Variants in SUCO observed in about 807,000 individuals in gnomAD.
SUCO encodes SUN domain containing ossification factor, also known as SUN domain-containing ossification factor.
In SUCO, 57 loss-of-function variants were observed where a neutral mutation model predicts 148.1. That is an observed-to-expected ratio of 0.38 (90% CI 0.31 to 0.48). SUCO has a LOEUF of 0.48. Among genes scored for constraint, SUCO ranks in the 20% least tolerant of loss-of-function variants. The probability of loss-of-function intolerance (pLI) is 0.96; values close to 1 mark genes in which losing one functional copy is unlikely to be tolerated. For synonymous variants in SUCO, 470 were observed against 502.7 expected (o/e 0.93, Z 0.87); for missense variants, 1,331 against 1,468.2 (o/e 0.91, Z 1.53).
intron 6 of SUCO, among the ~76,000 whole-genome samples, chr1:172,565,708 C>T (rs1654501056): frequency 1.3e-5 from 2 of 152,166 alleles, no homozygotes; most frequent in Non-Finnish European, 2.9e-5. Context: ...TAAATAATTG[C>T]CACACACAGT....
chr1:172,597,562 A>G (rs1399216369), intron 19 of SUCO, among the ~76,000 whole-genome samples: 1 of 152,198 alleles, frequency 6.6e-6, no homozygotes, highest in Admixed American at 6.5e-5. Context: ...ATTGACTGCA[A>G]GTAAGAACGG....
chr1:172,550,591 TA>T, intron 1 of SUCO, among the ~76,000 whole-genome samples: 1 of 152,144 alleles, frequency 6.6e-6, no homozygotes, highest in African/African-American at 2.4e-5. Context: ...TTTCCATTTT[TA>T]TGCCTCTTTT....
At chr1:172,545,832 AT>A (rs1652807853) in intron 1 of SUCO, among the ~76,000 whole-genome samples, 1 of 152,208 alleles carries the variant, frequency 6.6e-6, no homozygotes, top group South Asian at 2.1e-4. Flanking sequence ...TAATAAGTCA[AT>A]TTTACAATGT....
intron 6 of SUCO, among the ~76,000 whole-genome samples, chr1:172,567,892 C>A (rs1654673449): frequency 6.6e-6 from 1 of 152,194 alleles, no homozygotes; most frequent in Non-Finnish European, 1.5e-5. Flanking sequence ...CATGCCCCAA[C>A]CCCCAGGCCA....
Position 172,589,311 on chromosome 1 carries a change from T to G in SUCO, c.2210T>G (p.Ile737Ser), listed in dbSNP as rs780161408. The change falls in exon 18 of 24, where the codon ATT becomes AGT. Residue 737 changes from isoleucine to serine, a missense_variant. By Grantham distance (142) the Ile-to-Ser change is moderately radical. Around this residue, in one of 3 missense-constraint regions of SUCO, gnomAD observed 992 missense variants for 1,093.5 expected, o/e 0.91. Transcript: ENST00000263688. ...CTTTCTCAGTCTCTTCTTTTAGATATTACCCCAGAAATCAATCCCTTGCCT... is the reference window on the plus strand; with the variant it reads ...CTTTCTCAGTCTCTTCTTTTAGATAGTACCCCAGAAATCAATCCCTTGCCT... The part of the protein sequence containing the change: ...QTLSQSLLLD[I>S]TPEINPLPKI... The G allele has an allele frequency of 6.2e-7, 1 of 1,613,496 alleles. No individual in the cohort carries two copies. Among genetic ancestry groups the G allele is most frequent in the African/African-American group, 1.3e-5 (1 of 74,976 alleles).
At chr1:172,557,133 A>G in intron 4 of SUCO, 147 bp from the exon 5 acceptor site, 1 of 1,395,854 alleles carries the variant, frequency 7.2e-7, no homozygotes, top group Non-Finnish European at 9.3e-7. Context: ...GGACAATAAC[A>G]GATCAAGTCA....
intron 17 of SUCO, 119 bp from the exon 18 acceptor site, chr1:172,588,641 A>G: frequency 7.9e-7 from 1 of 1,263,526 alleles, no homozygotes; most frequent in Non-Finnish European, 1.0e-6. Context: ...TCCAAAAACA[A>G]ATTTCTTCTA....
intron 4 of SUCO, chr1:172,556,918 C>T (rs1653797200): frequency 1.0e-6 from 1 of 961,522 alleles, no homozygotes; most frequent in Non-Finnish European, 1.2e-6. Context: ...TCTAAGAACA[C>T]CTTAAAATTT....
At chr1:172,584,794 T>TA (rs1656122626) in intron 15 of SUCO, among the ~76,000 whole-genome samples, 2 of 152,160 alleles carry the variant, frequency 1.3e-5, no homozygotes, top group Non-Finnish European at 2.9e-5. Flanking sequence ...AAAGTATATT[T>TA]AAATATAAAA....
intron 1 of SUCO, among the ~76,000 whole-genome samples, chr1:172,533,890 G>A (rs1651815988): frequency 6.6e-6 from 1 of 152,176 alleles, no homozygotes; most frequent in Admixed American, 6.5e-5. Context: ...GATAAAGCAC[G>A]TCGGATGTGA....
chr1:172,536,879 C>T (rs562592084), intron 1 of SUCO, among the ~76,000 whole-genome samples: 29 of 152,146 alleles, frequency 1.9e-4, no homozygotes, highest in Non-Finnish European at 3.1e-4. Context: ...GACTGGTCCT[C>T]CTGCCTCTTC....
chr1:172,610,437 C>A lies in SUCO; in HGVS notation c.*178C>A. 1 of 952,228 alleles carries A rather than the reference C, an allele frequency of 1.1e-6. No homozygotes were observed. The allele number at this position is 952,228 out of a possible 1,614,324, so 59.0% of individuals were successfully genotyped here. On this transcript the variant is annotated 3_prime_UTR_variant, in exon 24 of 24. Coordinates refer to ENST00000263688, the MANE Select transcript of SUCO (RefSeq NM_014283.5). ...TGTGTCAATCTTGGTTAATGAGCTA[C>A]AGTTTTACAAAGCTGATCACTTCCT...
chr1:172,566,873 A>C (rs1654593459), intron 6 of SUCO, among the ~76,000 whole-genome samples: 1 of 152,258 alleles, frequency 6.6e-6, no homozygotes. Context: ...GTTCGGTGTC[A>C]GAGCCCTGCC....
intron 1 of SUCO, among the ~76,000 whole-genome samples, chr1:172,544,914 G>A (rs938354176): frequency 6.6e-6 from 1 of 152,306 alleles, no homozygotes; most frequent in Admixed American, 6.5e-5. Context: ...GACGTAGCAA[G>A]TTAGGAATTA....
chr1:172,576,443 C>T (rs1655446480), intron 11 of SUCO, among the ~76,000 whole-genome samples: 1 of 151,476 alleles, frequency 6.6e-6, no homozygotes, highest in Non-Finnish European at 1.5e-5. Flanking sequence ...TTGTAGTATT[C>T]TTAATCTCAG....
intron 10 of SUCO, 55 bp downstream of exon 10, chr1:172,574,053 A>T (rs951941018): frequency 1.6e-5 from 16 of 984,566 alleles, no homozygotes; most frequent in Middle Eastern, 2.1e-4. Flanking sequence ...AAAAAAAGAA[A>T]AACAAAAAAA....
At chr1:172,533,651 G>A (rs1242790306) in intron 1 of SUCO, among the ~76,000 whole-genome samples, 154 bp downstream of exon 1, 1 of 150,320 alleles carries the variant, frequency 6.7e-6, no homozygotes, top group African/African-American at 2.5e-5. Context: ...CTCTCCATCT[G>A]ACTGGTCTGG....
At chr1:172,603,193 T>C (rs1571295891) in intron 22 of SUCO, 1 of 158,486 alleles carries the variant, frequency 6.3e-6, no homozygotes, top group African/African-American at 2.4e-5. Context: ...TGAGGCACTT[T>C]CTGAACAAAA....
At chr1:172,533,036 C>G, upstream of SUCO, 1 of 1,433,590 alleles carries the variant, frequency 7.0e-7, no homozygotes, top group African/African-American at 1.4e-5. Flanking sequence ...CTTTCCAGCT[C>G]AGCGGTGTGT....
Sources: allele counts gnomAD v4.1 joint callset (sites outside exome capture counted in the v4.1 genomes callset), GRCh38; gene constraint gnomAD v4.1.1; regional missense constraint gnomAD v4.1.1; transcripts MANE v1.5; gene names NCBI Gene and HGNC (gene_info 2026-07-23, HGNC 2026-07-21).